The following RALA variants were observed in gnomAD, a reference collection of about 807,000 sequenced individuals.
The protein encoded by RALA is RAS like proto-oncogene A.
Under a neutral mutation model 24.0 loss-of-function variants are expected in RALA, and 5 were observed. That is an observed-to-expected ratio of 0.21 (90% CI 0.11 to 0.44). RALA has a LOEUF of 0.44. RALA is among the 20% of genes least tolerant of loss of function. The pLI, the probability that RALA is intolerant of heterozygous loss-of-function variation, is 0.99. For missense variants in RALA, 95 were observed against 241.2 expected, an observed-to-expected ratio of 0.39 and a Z score of 4.01; for synonymous variants, 77 against 83.8, an observed-to-expected ratio of 0.92 and a Z score of 0.44.
chr7:39,680,594 A>G (rs1307299939), intron 1 of RALA, among the ~76,000 whole-genome samples: 3 of 151,924 alleles, frequency 2.0e-5, no homozygotes, highest in Non-Finnish European at 4.4e-5. Flanking sequence ...AAAAGATTAA[A>G]AAAGATGATC....
chr7:39,676,128 AC>A (rs1266023485), intron 1 of RALA, among the ~76,000 whole-genome samples: 1 of 151,792 alleles, frequency 6.6e-6, no homozygotes, highest in Admixed American at 6.6e-5. Context: ...GGCGCCCACC[AC>A]CACGCTGGGC....
intron 1 of RALA, among the ~76,000 whole-genome samples, chr7:39,628,468 A>G (rs933056093): frequency 3.3e-5 from 5 of 151,748 alleles, no homozygotes; most frequent in Admixed American, 6.6e-5. Flanking sequence ...CAAGTGCCCA[A>G]ACTTTCTCAA....
chr7:39,695,600 C>T (rs958104837), intron 3 of RALA, among the ~76,000 whole-genome samples: 19 of 151,988 alleles, frequency 1.3e-4, no homozygotes, highest in African/African-American at 2.7e-4. Context: ...ATGGGGGTCT[C>T]ACTGTGTTGC....
intron 3 of RALA, among the ~76,000 whole-genome samples, chr7:39,692,051 C>A (rs1372522040): frequency 6.6e-6 from 1 of 152,098 alleles, no homozygotes; most frequent in Non-Finnish European, 1.5e-5. Flanking sequence ...ATGCCTCTGC[C>A]ATAAATAAAA....
Position 39,707,230 on chromosome 7 carries a change from TGTTAA to T in RALA, c.*989_*993del. 6.6e-6 allele frequency: 1 copy of T among 152,190 alleles called. No homozygotes were observed. Among genetic ancestry groups the T allele is most frequent in the East Asian group, 1.9e-4 (1 of 5,196 alleles). The allele number at this position is 152,190 out of a possible 1,614,324, so 9.4% of individuals were successfully genotyped here. A position where few individuals can be genotyped will look rare whatever the true frequency, so the allele number is the denominator to read the frequency against. On this transcript the variant is annotated 3_prime_UTR_variant, in exon 5 of 5. Coordinates refer to ENST00000005257, the MANE Select transcript of RALA (RefSeq NM_005402.4). ...TTTCTGCTAGTGGTGAGCATGTAAG[TGTTAA>T]GTTTTTAATCTGGGAGCAGGGCATA...
At chr7:39,682,242 A>C (rs945579260) in intron 1 of RALA, among the ~76,000 whole-genome samples, 5 of 152,248 alleles carry the variant, frequency 3.3e-5, no homozygotes, top group African/African-American at 9.6e-5. Context: ...GTGAGTGGTC[A>C]GTAAATGTTG....
chr7:39,687,723 C>T (rs1372898942), intron 2 of RALA, among the ~76,000 whole-genome samples: 1 of 152,134 alleles, frequency 6.6e-6, no homozygotes, highest in African/African-American at 2.4e-5. Context: ...CAACAAAAGC[C>T]AGGTTTTATG....
chr7:39,681,701 T>C (rs1792606427), intron 1 of RALA, among the ~76,000 whole-genome samples: 1 of 152,188 alleles, frequency 6.6e-6, no homozygotes, highest in Non-Finnish European at 1.5e-5. Flanking sequence ...CGTATCTATC[T>C]TCATCTTCTC....
chr7:39,683,840 AACACACACACACAC>A (rs71964842), intron 1 of RALA, among the ~76,000 whole-genome samples: 1 of 147,954 alleles, frequency 6.8e-6, no homozygotes, highest in Non-Finnish European at 1.5e-5. Flanking sequence ...TTTTCTTTTG[AACACACACACACAC>A]ACACACACAC....
intron 2 of RALA, among the ~76,000 whole-genome samples, chr7:39,688,989 G>A (rs757211001): frequency 8.5e-5 from 13 of 152,092 alleles, no homozygotes; most frequent in African/African-American, 2.7e-4. Context: ...GCGAGCACAC[G>A]CGAGCAAGGG....
At chr7:39,655,364 A>G (rs1366245378) in intron 1 of RALA, among the ~76,000 whole-genome samples, 3 of 152,230 alleles carry the variant, frequency 2.0e-5, no homozygotes, top group African/African-American at 7.2e-5. Context: ...GTGAAACTGA[A>G]GAAAGTACTA....
chr7:39,685,616 ACT>A (rs1432177763), intron 1 of RALA, among the ~76,000 whole-genome samples: 1 of 151,796 alleles, frequency 6.6e-6, no homozygotes, highest in African/African-American at 2.4e-5. Context: ...GCCTCTCCAC[ACT>A]GAGTGTAAAA....
chr7:39,660,713 AT>A (rs910677933), intron 1 of RALA, among the ~76,000 whole-genome samples: 1 of 152,160 alleles, frequency 6.6e-6, no homozygotes, highest in African/African-American at 2.4e-5. Flanking sequence ...TATATTGGAA[AT>A]TTTTTTACAG....
At chr7:39,646,840 A>G (rs1047075014) in intron 1 of RALA, among the ~76,000 whole-genome samples, 9 of 152,122 alleles carry the variant, frequency 5.9e-5, no homozygotes, top group African/African-American at 2.2e-4. Context: ...AGCCTTACCC[A>G]TGTACTGCTG....
intron 1 of RALA, among the ~76,000 whole-genome samples, chr7:39,658,319 C>A (rs1239456587): frequency 6.6e-6 from 1 of 152,114 alleles, no homozygotes; most frequent in East Asian, 1.9e-4. Flanking sequence ...ATATTTTTGC[C>A]CATTTCTTGC....
At chr7:39,673,155 T>C (rs1792419297) in intron 1 of RALA, among the ~76,000 whole-genome samples, 1 of 152,046 alleles carries the variant, frequency 6.6e-6, no homozygotes, top group African/African-American at 2.4e-5. Flanking sequence ...GCCCCTGCTC[T>C]CCAGCCTGGG....
At chr7:39,686,177 G>T (rs562440724) in intron 1 of RALA, among the ~76,000 whole-genome samples, 1 of 144,668 alleles carries the variant, frequency 6.9e-6, no homozygotes, top group Non-Finnish European at 1.5e-5. Context: ...CTGCACTCCA[G>T]CCTGGGCGAC....
chr7:39,684,603 C>T (rs953963939), intron 1 of RALA, among the ~76,000 whole-genome samples: 7 of 151,606 alleles, frequency 4.6e-5, no homozygotes, highest in Admixed American at 2.6e-4. Flanking sequence ...TGCTTTACAC[C>T]GGTACAACCT....
intron 1 of RALA, among the ~76,000 whole-genome samples, chr7:39,649,885 A>T (rs1184672928): frequency 6.6e-6 from 1 of 152,210 alleles, no homozygotes; most frequent in African/African-American, 2.4e-5. Flanking sequence ...GGGAGTGATG[A>T]TCTGGGTCAG....
Sources: gnomAD v4.1 joint callset for allele counts (sites outside exome capture counted in the v4.1 genomes callset) on GRCh38, gnomAD v4.1.1 for gene constraint, MANE v1.5 for transcripts, NCBI Gene and HGNC (gene_info 2026-07-23, HGNC 2026-07-21) for gene names.